The following DLGAP2 variants were observed in gnomAD, a reference collection of about 807,000 sequenced individuals.
DLGAP2 encodes disks large-associated protein 2.
DLGAP2 carries 26 observed loss-of-function variants against 100.3 expected under a neutral mutation model. The ratio of observed to expected loss-of-function variants is 0.26; its 90% CI spans 0.19 to 0.36. The LOEUF (loss-of-function observed/expected upper bound fraction) is 0.36, where lower values mean the gene tolerates loss of function less well. Ranked by LOEUF, DLGAP2 falls within the 10% of genes least tolerant of loss-of-function variation. The probability of loss-of-function intolerance (pLI) is 1.00; values close to 1 mark genes in which losing one functional copy is unlikely to be tolerated. For synonymous variants in DLGAP2, 886 were observed against 630.1 expected (o/e 1.41, Z -6.08); for missense variants, 1,858 against 1,453.2 (o/e 1.28, Z -4.53).
chr8:1,002,318 G>A (rs1231813847), intron 2 of DLGAP2: 1 of 152,198 alleles, frequency 6.6e-6, no homozygotes, highest in African/African-American at 2.4e-5. Flanking sequence ...TAATTAAAGG[G>A]AAAGAGATCT....
chr8:1,190,893 G>C (rs943984418), intron 2 of DLGAP2, among the ~76,000 whole-genome samples: 1 of 152,104 alleles, frequency 6.6e-6, no homozygotes, highest in Non-Finnish European at 1.5e-5. Context: ...TTCAGTGCAC[G>C]GGGCGTGTTT....
chr8:1,242,226 G>T (rs1014624886), intron 2 of DLGAP2, among the ~76,000 whole-genome samples: 1 of 152,224 alleles, frequency 6.6e-6, no homozygotes, highest in African/African-American at 2.4e-5. Context: ...GGGCCTGAGA[G>T]AGGCCTGATG....
intron 1 of DLGAP2, among the ~76,000 whole-genome samples, chr8:760,777 A>G (rs909829987): frequency 6.6e-6 from 1 of 152,104 alleles, no homozygotes; most frequent in African/African-American, 2.4e-5. Flanking sequence ...GCACGCATGC[A>G]CCTGCTGCTT....
At chr8:1,695,930 G>T (rs557347103) in intron 13 of DLGAP2, among the ~76,000 whole-genome samples, 1 of 152,348 alleles carries the variant, frequency 6.6e-6, no homozygotes, top group East Asian at 1.9e-4. Flanking sequence ...CTCCTCAAGT[G>T]CCTGGGGGGG....
rs570021350 is a variant in DLGAP2 at position 1,702,595 on chromosome 8, A to G, written c.*1189A>G. 6.7e-6 allele frequency: 1 copy of G among 148,406 alleles called. No homozygotes were observed. Among genetic ancestry groups the G allele is most frequent in the East Asian group, 2.2e-4 (1 of 4,502 alleles). 9.2% of individuals were successfully genotyped at this position (148,406 alleles called of 1,614,324 possible). A position where few individuals can be genotyped will look rare whatever the true frequency, so the allele number is the denominator to read the frequency against. ...ACATGAAGGGAAAAAGAGGTCACAT[A>G]TTGTGATTTCCAGCTGTAGCATTCA... On this transcript the variant is annotated 3_prime_UTR_variant, in exon 15 of 15. Transcript: ENST00000637795.
rs1282533351 is a variant in DLGAP2 at position 1,678,617 on chromosome 8, C to T, written c.2692C>T (p.Leu898Phe). ...EMEREAEEND[L>F]SEEILGKIRS... ...GGAGAGAGAGGCGGAGGAGAACGACCTCTCGGAGGAAAGTAAGAGCTCAGG... is the reference window on the plus strand; with the variant it reads ...GGAGAGAGAGGCGGAGGAGAACGACTTCTCGGAGGAAAGTAAGAGCTCAGG... The change falls in exon 12 of 15, where the codon CTC (leucine) becomes TTC (phenylalanine). Residue 898 changes from leucine to phenylalanine, a missense_variant. Physicochemically the swap from Leu to Phe is conservative, Grantham distance 22. Transcript: ENST00000637795. 1.9e-6 allele frequency: 3 copies of T among 1,545,128 alleles called. No homozygotes were observed. Among genetic ancestry groups the T allele is most frequent in the Non-Finnish European group, 1.7e-6 (2 of 1,142,992 alleles).
chr8:1,607,070 AAT>A (rs763937641), intron 6 of DLGAP2, among the ~76,000 whole-genome samples: 94 of 152,338 alleles, frequency 6.2e-4, no homozygotes, highest in Admixed American at 1.8e-3. Context: ...TTGATAACTC[AAT>A]GTTTGACCTT....
intron 2 of DLGAP2, among the ~76,000 whole-genome samples, chr8:1,170,093 G>A (rs1797096662): frequency 6.6e-6 from 1 of 152,126 alleles, no homozygotes. Flanking sequence ...TTAGCATGAA[G>A]TGTTGTTGAA....
chr8:1,218,188 C>A lies in DLGAP2; in HGVS notation c.74-40663C>A, dbSNP rs150488852. Among the ~76,000 whole-genome samples, 190 of 152,264 alleles carry A rather than the reference C, an allele frequency of 1.2e-3. 1 individual carries two copies. Among genetic ancestry groups the A allele is most frequent in the African/African-American group, 4.4e-3 (185 of 41,574 alleles). On this transcript the variant is annotated intron_variant, in intron 2 of 14. Coordinates refer to ENST00000637795, the MANE Select transcript of DLGAP2 (RefSeq NM_001346810.2). ...AACACTATGTTCAGAATGGTATTTTCTAGGTTCTCTTCCAGATTTTTTATA... is the reference window on the plus strand; with the variant it reads ...AACACTATGTTCAGAATGGTATTTTATAGGTTCTCTTCCAGATTTTTTATA...
intron 2 of DLGAP2, among the ~76,000 whole-genome samples, chr8:1,038,192 G>A (rs1429745660): frequency 2.6e-5 from 4 of 152,246 alleles, no homozygotes; most frequent in Admixed American, 6.5e-5. Flanking sequence ...TGCTAACGCA[G>A]TCAGTGTCTG....
At chr8:1,300,735 C>T (rs921984718) in intron 3 of DLGAP2, 3 of 152,270 alleles carry the variant, frequency 2.0e-5, no homozygotes, top group African/African-American at 7.2e-5. Flanking sequence ...GAGACTGCAC[C>T]ATGAACAGGA....
chr8:1,062,287 C>T (rs894113864), intron 2 of DLGAP2, among the ~76,000 whole-genome samples: 1 of 152,204 alleles, frequency 6.6e-6, no homozygotes, highest in Non-Finnish European at 1.5e-5. Context: ...CACGCTGCTG[C>T]AGTGCCTGGT....
chr8:856,435 A>G (rs933923593), intron 1 of DLGAP2, among the ~76,000 whole-genome samples: 20 of 152,062 alleles, frequency 1.3e-4, no homozygotes, highest in African/African-American at 4.6e-4. Context: ...TGATCTGCCC[A>G]CCTCGGCCTC....
At chr8:1,189,735 A>G (rs200472124) in intron 2 of DLGAP2, among the ~76,000 whole-genome samples, 5 of 152,294 alleles carry the variant, frequency 3.3e-5, no homozygotes, top group African/African-American at 4.8e-5. Context: ...GAGTTATCCA[A>G]TAGGCATTTG....
chr8:1,437,220 C>T (rs1206255338), intron 3 of DLGAP2, among the ~76,000 whole-genome samples: 1 of 151,746 alleles, frequency 6.6e-6, no homozygotes, highest in Admixed American at 6.6e-5. Flanking sequence ...AGGGTGACGC[C>T]ATCCGGGTCT....
intron 2 of DLGAP2, among the ~76,000 whole-genome samples, chr8:1,228,865 G>C (rs970634458): frequency 2.0e-5 from 3 of 152,128 alleles, no homozygotes; most frequent in Non-Finnish European, 4.4e-5. Context: ...CAGTGACCGG[G>C]AGCAAGACAA....
chr8:774,118 A>G lies in DLGAP2; in HGVS notation c.18+36293A>G, dbSNP rs561976802. On this transcript the variant is annotated intron_variant, in intron 1 of 14. Transcript: ENST00000637795. ...GGCCAGTGACGATGAGCATTTTTTC[A>G]TGTGTTTTTTGGCTGCATAAATGTC... 1.1e-4 allele frequency among the ~76,000 whole-genome samples: 17 copies of G among 152,078 alleles called. No individual in the cohort carries two copies. The East Asian group carries it at 3.1e-3, about 28-fold the overall frequency.
chr8:1,186,896 C>G (rs982618228), intron 2 of DLGAP2, among the ~76,000 whole-genome samples: 1 of 152,126 alleles, frequency 6.6e-6, no homozygotes, highest in Non-Finnish European at 1.5e-5. Context: ...GCATCCACCC[C>G]ATATCCCTTA....
At chr8:1,358,223 G>T (rs575480934) in intron 3 of DLGAP2, among the ~76,000 whole-genome samples, 3 of 152,332 alleles carry the variant, frequency 2.0e-5, no homozygotes, top group African/African-American at 7.2e-5. Context: ...AAGGGGCTGC[G>T]AAAGGTTTGG....
Sources: gnomAD v4.1 joint callset for allele counts (sites outside exome capture counted in the v4.1 genomes callset) on GRCh38, gnomAD v4.1.1 for gene constraint, MANE v1.5 for transcripts, NCBI Gene and HGNC (gene_info 2026-07-23, HGNC 2026-07-21) for gene names.